CACNA2D3: variants seen among roughly 807,000 people sequenced by gnomAD.
CACNA2D3 encodes the protein voltage-dependent calcium channel subunit alpha-2/delta-3.
In CACNA2D3, 60 loss-of-function variants were observed where a neutral mutation model predicts 160.6. The observed-to-expected ratio is 0.37, with a 90% CI of 0.30 to 0.46. The LOEUF (loss-of-function observed/expected upper bound fraction) is 0.46. CACNA2D3 is among the 20% of genes least tolerant of loss of function. CACNA2D3 has a pLI of 1.00. For synonymous variants in CACNA2D3, 558 were observed against 492.9 expected (o/e 1.13, Z -1.75); for missense variants, 1,205 against 1,365.0 (o/e 0.88, Z 1.85).
At chr3:54,475,375 T>C (rs186800089) in intron 4 of CACNA2D3, among the ~76,000 whole-genome samples, 12 of 152,276 alleles carry the variant, frequency 7.9e-5, no homozygotes, top group African/African-American at 2.4e-4. Context: ...CAAAAGCAAA[T>C]GGCATGGAAA....
At chr3:54,162,258 T>C (rs1365984496) in intron 2 of CACNA2D3, among the ~76,000 whole-genome samples, 1 of 152,174 alleles carries the variant, frequency 6.6e-6, no homozygotes, top group Non-Finnish European at 1.5e-5. Flanking sequence ...TCATGGATTC[T>C]GGGGTCAGGA....
At chr3:54,829,690 AC>A (rs1378040517) in intron 14 of CACNA2D3, among the ~76,000 whole-genome samples, 3 of 151,892 alleles carry the variant, frequency 2.0e-5, no homozygotes, top group African/African-American at 7.3e-5. Context: ...ATTATGTGCT[AC>A]CCAGAGAATG....
At chr3:54,611,225 G>A (rs1015499666) in intron 9 of CACNA2D3, among the ~76,000 whole-genome samples, 1 of 152,242 alleles carries the variant, frequency 6.6e-6, no homozygotes, top group Non-Finnish European at 1.5e-5. Flanking sequence ...TGTACTCTGT[G>A]CATGTGGTTC....
chr3:54,603,394 T>C (rs542512219), intron 9 of CACNA2D3, among the ~76,000 whole-genome samples: 2 of 152,334 alleles, frequency 1.3e-5, no homozygotes, highest in Admixed American at 6.5e-5. Context: ...AACCCCTTTC[T>C]TTCTTTCAAG....
chr3:54,822,689 G>A (rs961192066), intron 14 of CACNA2D3, among the ~76,000 whole-genome samples: 15 of 151,698 alleles, frequency 9.9e-5, no homozygotes, highest in Admixed American at 2.0e-4. Context: ...GGGTCATGGA[G>A]CTCTGTTTGG....
chr3:54,169,367 G>T lies in CACNA2D3; in HGVS notation c.204+45773G>T, dbSNP rs571266627. Reference sequence around the variant, plus strand: ...TTTTGGATATAGTCCTTTTCTTCTGGGCTCCGGAGATTGAAAATAAAGCTT... The same window carrying T: ...TTTTGGATATAGTCCTTTTCTTCTGTGCTCCGGAGATTGAAAATAAAGCTT... On this transcript the variant is annotated intron_variant, in intron 2 of 37. Coordinates refer to ENST00000474759, the MANE Select transcript of CACNA2D3 (RefSeq NM_018398.3). 1.3e-4 allele frequency among the ~76,000 whole-genome samples: 20 copies of T among 152,042 alleles called. No individual in the cohort carries two copies. In the South Asian group the frequency reaches 4.2e-3, roughly 32 times the overall value.
intron 4 of CACNA2D3, among the ~76,000 whole-genome samples, chr3:54,500,019 C>T (rs1354059080): frequency 6.6e-6 from 1 of 152,140 alleles, no homozygotes; most frequent in Non-Finnish European, 1.5e-5. Context: ...GCTAGTTCAT[C>T]TGTTTCTCCT....
chr3:54,350,855 C>T lies in CACNA2D3; in HGVS notation c.321+30297C>T, dbSNP rs143588625. Among the ~76,000 whole-genome samples the T allele has an allele frequency of 5.7e-4, 86 of 152,072 alleles. 1 individual carries two copies. The East Asian group carries it at 0.014, about 24-fold the overall frequency. ...TCACTTCTTTTGTGGCCCTGTCTCA[C>T]GGCTTTTAACATCCATGTGTGTGTG... On this transcript the variant is annotated intron_variant, in intron 3 of 37. Coordinates refer to ENST00000474759, the MANE Select transcript of CACNA2D3 (RefSeq NM_018398.3).
intron 11 of CACNA2D3, among the ~76,000 whole-genome samples, chr3:54,721,429 A>G (rs376469691): frequency 6.6e-6 from 1 of 152,192 alleles, no homozygotes; most frequent in African/African-American, 2.4e-5. Flanking sequence ...AATGGGGTAC[A>G]GAATTCCGAG....
chr3:54,266,716 G>A (rs1559901755), intron 2 of CACNA2D3, among the ~76,000 whole-genome samples: 1 of 152,204 alleles, frequency 6.6e-6, no homozygotes. Flanking sequence ...GGTGATGTAT[G>A]CCCTTTCTTA....
chr3:54,943,952 C>T (rs1701544145), intron 27 of CACNA2D3, among the ~76,000 whole-genome samples: 2 of 152,336 alleles, frequency 1.3e-5, no homozygotes. Context: ...AAAATTTCCT[C>T]CGACCTTGTA....
intron 5 of CACNA2D3, among the ~76,000 whole-genome samples, chr3:54,524,648 C>G (rs1375694126): frequency 1.3e-5 from 2 of 151,972 alleles, no homozygotes; most frequent in Non-Finnish European, 2.9e-5. Flanking sequence ...GTTTTTACTT[C>G]ATGAAATTTG....
At chr3:54,166,177 A>G (rs528997853) in intron 2 of CACNA2D3, among the ~76,000 whole-genome samples, 53 of 152,148 alleles carry the variant, frequency 3.5e-4, no homozygotes, top group Non-Finnish European at 5.3e-4. Context: ...CACTGTCTCA[A>G]CATTTCAAAG....
intron 4 of CACNA2D3, among the ~76,000 whole-genome samples, chr3:54,499,765 T>C (rs1387473216): frequency 3.3e-5 from 5 of 152,306 alleles, no homozygotes; most frequent in African/African-American, 1.2e-4. Context: ...ATGATTTCCA[T>C]TCTTTTAAGT....
chr3:54,606,858 A>G (rs1698638556), intron 9 of CACNA2D3, among the ~76,000 whole-genome samples: 1 of 152,000 alleles, frequency 6.6e-6, no homozygotes, highest in South Asian at 2.1e-4. Context: ...AATTAACATA[A>G]TCATAGTATC....
chr3:54,898,710 T>A (rs1188730253), intron 26 of CACNA2D3, among the ~76,000 whole-genome samples: 1 of 152,226 alleles, frequency 6.6e-6, no homozygotes, highest in Non-Finnish European at 1.5e-5. Flanking sequence ...AATCATCGAG[T>A]TAACTAAAGC....
intron 5 of CACNA2D3, among the ~76,000 whole-genome samples, chr3:54,521,835 C>T (rs1033026757): frequency 6.6e-6 from 1 of 152,132 alleles, no homozygotes; most frequent in Non-Finnish European, 1.5e-5. Context: ...CCCATTGAAG[C>T]GAGTCATGAT....
intron 4 of CACNA2D3, among the ~76,000 whole-genome samples, chr3:54,458,540 G>C (rs370578401): frequency 1.2e-4 from 18 of 151,370 alleles, no homozygotes; most frequent in African/African-American, 4.1e-4. Flanking sequence ...TCTACTGATA[G>C]TCTAGTAAGG....
intron 2 of CACNA2D3, among the ~76,000 whole-genome samples, chr3:54,149,438 T>G (rs1700099449): frequency 6.6e-6 from 1 of 152,050 alleles, no homozygotes; most frequent in Non-Finnish European, 1.5e-5. Flanking sequence ...CCCACACAAG[T>G]CCAAGAAGCA....
Sources: gnomAD v4.1 joint callset for allele counts (sites outside exome capture counted in the v4.1 genomes callset) on GRCh38, gnomAD v4.1.1 for gene constraint, MANE v1.5 for transcripts, NCBI Gene and HGNC (gene_info 2026-07-23, HGNC 2026-07-21) for gene names.